Variants in NCALD observed in about 807,000 individuals in gnomAD.
NCALD encodes neurocalcin delta.
In NCALD, 10 loss-of-function variants were observed where a neutral mutation model predicts 18.6. That is an observed-to-expected ratio of 0.54 (90% CI 0.33 to 0.91). The LOEUF is 0.91. Among genes scored for constraint, NCALD ranks in the 40% least tolerant of loss-of-function variants. NCALD has a pLI of 0.03. For missense variants in NCALD, 184 were observed against 247.6 expected (o/e 0.74, Z 1.72); for synonymous variants, 88 against 87.4 (o/e 1.01, Z -0.04).
chr8:101,802,118 C>G lies in NCALD; in HGVS notation c.-19-82470G>C, dbSNP rs144705875. ...CTCAAATCATGTCTCTGTGTCACAT[C>G]TGGGTAATTCTTGCAATGTTTTTAA... On this transcript the variant is annotated intron_variant, in intron 4 of 6. Coordinates refer to the NCALD transcript ENST00000311028. 4.8e-3 allele frequency among the ~76,000 whole-genome samples: 729 copies of G among 152,200 alleles called. 9 individuals carry two copies. The highest frequency in any genetic ancestry group is 0.016 in the African/African-American group (646 of 41,534).
intron 1 of NCALD, among the ~76,000 whole-genome samples, chr8:102,091,770 C>T (rs767899591): frequency 7.2e-5 from 11 of 152,058 alleles, no homozygotes; most frequent in Non-Finnish European, 1.3e-4. Context: ...TATGAATGGC[C>T]CTCACCATAC....
At chr8:101,978,184 T>G (rs1820492651) in intron 2 of NCALD, among the ~76,000 whole-genome samples, 1 of 151,988 alleles carries the variant, frequency 6.6e-6, no homozygotes, top group East Asian at 1.9e-4. Flanking sequence ...AAAAATATGA[T>G]TACTGTACTT....
At chr8:102,020,807 C>T (rs1481059862) in intron 1 of NCALD, among the ~76,000 whole-genome samples, 1 of 152,216 alleles carries the variant, frequency 6.6e-6, no homozygotes, top group Non-Finnish European at 1.5e-5. Flanking sequence ...CATCTGCCTA[C>T]TTTTCTAGCC....
At chr8:101,855,324 C>T (rs1815266187) in intron 4 of NCALD, among the ~76,000 whole-genome samples, 3 of 152,254 alleles carry the variant, frequency 2.0e-5, no homozygotes, top group African/African-American at 7.2e-5. Context: ...TAGGCCAGAG[C>T]ACTAGATTGC....
At chr8:101,843,606 T>G (rs961917022) in intron 4 of NCALD, among the ~76,000 whole-genome samples, 1 of 150,286 alleles carries the variant, frequency 6.7e-6, no homozygotes, top group African/African-American at 2.5e-5. Flanking sequence ...TGAGACAGTC[T>G]TGCTCTGTCA....
chr8:101,896,785 T>A (rs1817196607), intron 3 of NCALD, among the ~76,000 whole-genome samples: 1 of 120,510 alleles, frequency 8.3e-6, no homozygotes, highest in Non-Finnish European at 1.6e-5. Context: ...TCACTGGCCA[T>A]CAGAGAAATG....
At chr8:101,761,684 G>C (rs937339429) in intron 1 of NCALD, among the ~76,000 whole-genome samples, 1 of 152,140 alleles carries the variant, frequency 6.6e-6, no homozygotes, top group Non-Finnish European at 1.5e-5. Flanking sequence ...GGACTTATTT[G>C]TTTCCCAGTA....
At chr8:102,113,916 G>C (rs1825708532) in intron 1 of NCALD, among the ~76,000 whole-genome samples, 1 of 152,236 alleles carries the variant, frequency 6.6e-6, no homozygotes, top group African/African-American at 2.4e-5. Flanking sequence ...GTGAAAACTT[G>C]ATAATCATTG....
chr8:101,939,347 G>A (rs1452426827), intron 2 of NCALD, among the ~76,000 whole-genome samples: 2 of 152,192 alleles, frequency 1.3e-5, no homozygotes, highest in Non-Finnish European at 2.9e-5. Context: ...TTGATAAGAT[G>A]TCTGAAATAT....
At chr8:101,889,196 G>T (rs2131498118) in intron 3 of NCALD, among the ~76,000 whole-genome samples, 1 of 152,338 alleles carries the variant, frequency 6.6e-6, no homozygotes, top group East Asian at 1.9e-4. Context: ...TCACAAGCAT[G>T]AAAACAAAAG....
intron 2 of NCALD, among the ~76,000 whole-genome samples, chr8:101,996,932 G>A (rs1010237301): frequency 5.3e-5 from 8 of 152,222 alleles, no homozygotes; most frequent in Non-Finnish European, 1.0e-4. Context: ...CTAGCATGGC[G>A]TTGCATTAAC....
At chr8:101,926,689 C>A (rs1360514489) in intron 2 of NCALD, among the ~76,000 whole-genome samples, 1 of 152,176 alleles carries the variant, frequency 6.6e-6, no homozygotes, top group African/African-American at 2.4e-5. Flanking sequence ...CTCTTCTCCC[C>A]ACTTAGGCTC....
intron 1 of NCALD, among the ~76,000 whole-genome samples, chr8:102,114,778 C>T (rs914993025): frequency 1.3e-5 from 2 of 152,194 alleles, no homozygotes; most frequent in African/African-American, 4.8e-5. Context: ...GTAAAGATCA[C>T]CTCTTGGGGC....
At chr8:101,997,334 C>T (rs1441316030) in intron 2 of NCALD, among the ~76,000 whole-genome samples, 3 of 152,002 alleles carry the variant, frequency 2.0e-5, no homozygotes, top group Non-Finnish European at 4.4e-5. Flanking sequence ...AACTAATGAA[C>T]AATGTAAATA....
At chr8:102,063,709 A>G (rs748978558) in intron 1 of NCALD, among the ~76,000 whole-genome samples, 1 of 152,138 alleles carries the variant, frequency 6.6e-6, no homozygotes, top group Non-Finnish European at 1.5e-5. Flanking sequence ...AGGAAGAGGG[A>G]GGCCTGAGAA....
chr8:101,999,614 A>T lies in NCALD; in HGVS notation c.-157+20623T>A, dbSNP rs899089566. On this transcript the variant is annotated intron_variant, in intron 2 of 6. Transcript: ENST00000311028. Reference sequence around the variant, plus strand: ...CACCAAAATCTCAGAAATCACCACGAAAGAACTTATCAATGTAACCAAACT... The same window carrying T: ...CACCAAAATCTCAGAAATCACCACGTAAGAACTTATCAATGTAACCAAACT... 3.3e-5 allele frequency among the ~76,000 whole-genome samples: 5 copies of T among 152,144 alleles called. No individual in the cohort carries two copies. In the South Asian group the frequency reaches 8.3e-4, roughly 25 times the overall value.
chr8:102,073,852 ATTG>A (rs1164170495), intron 1 of NCALD, among the ~76,000 whole-genome samples: 1 of 152,198 alleles, frequency 6.6e-6, no homozygotes, highest in African/African-American at 2.4e-5. Flanking sequence ...ACTGGTTGAA[ATTG>A]CTGTCTCTTT....
chr8:101,941,047 A>C (rs1818937824), intron 2 of NCALD, among the ~76,000 whole-genome samples: 1 of 152,266 alleles, frequency 6.6e-6, no homozygotes, highest in African/African-American at 2.4e-5. Context: ...AACCTGAAAT[A>C]ATAACAAATG....
At chr8:101,986,029 C>T (rs1820794559) in intron 2 of NCALD, among the ~76,000 whole-genome samples, 1 of 151,678 alleles carries the variant, frequency 6.6e-6, no homozygotes, top group African/African-American at 2.4e-5. Flanking sequence ...TTTCTTTTTT[C>T]CTTTCCTTTT....
Sources: gnomAD v4.1 joint callset for allele counts (sites outside exome capture counted in the v4.1 genomes callset) on GRCh38, gnomAD v4.1.1 for gene constraint, MANE v1.5 for transcripts, NCBI Gene and HGNC (gene_info 2026-07-23, HGNC 2026-07-21) for gene names.